BAIAP2: variants seen among roughly 807,000 people sequenced by gnomAD.
The protein encoded by BAIAP2 is BAR/IMD domain-containing adapter protein 2.
A neutral mutation model predicts 63.0 loss-of-function variants in BAIAP2; 18 were observed. That is an observed-to-expected ratio of 0.29 (90% CI 0.20 to 0.42). The LOEUF (loss-of-function observed/expected upper bound fraction) is 0.42. BAIAP2 is among the 10% of genes least tolerant of loss of function. The pLI is 1.00. For synonymous variants in BAIAP2, 386 were observed against 307.6 expected (o/e 1.25, Z -2.67); for missense variants, 610 against 734.3 (o/e 0.83, Z 1.96).
intron 4 of BAIAP2, 148 bp from the exon 5 acceptor site, chr17:81,085,506 C>T (rs376529388): frequency 2.8e-6 from 2 of 718,230 alleles, no homozygotes; most frequent in African/African-American, 1.7e-5. Flanking sequence ...CATGCGGGGC[C>T]ACAGCTCATC....
chr17:81,069,646 C>CG (rs2052201179), intron 3 of BAIAP2, among the ~76,000 whole-genome samples: 1 of 152,082 alleles, frequency 6.6e-6, no homozygotes, highest in Non-Finnish European at 1.5e-5. Flanking sequence ...AAAAGCCTGG[C>CG]GGGGGGCGTG....
At chr17:81,057,813 G>C (rs1320756733) in intron 2 of BAIAP2, 68 bp from the exon 3 acceptor site, 1 of 1,557,168 alleles carries the variant, frequency 6.4e-7, no homozygotes, top group Non-Finnish European at 8.7e-7. Context: ...CAAGACTGCC[G>C]TGTTTTTGCT....
Position 81,115,905 on chromosome 17 carries a change from C to G in BAIAP2, c.*66C>G. On this transcript the variant is annotated 3_prime_UTR_variant, in exon 14 of 14. Transcript: ENST00000428708. ...GCCCTTCCCATGTAGCCTGTTCTGT[C>G]ATCATCTGTGCGTTCCTGTGTAGAG... 1 of 1,601,576 alleles carries G rather than the reference C, an allele frequency of 6.2e-7. No individual in the cohort carries two copies. The highest frequency in any genetic ancestry group is 8.5e-7 in the Non-Finnish European group (1 of 1,174,510).
intron 6 of BAIAP2, among the ~76,000 whole-genome samples, chr17:81,088,812 C>T (rs188177711): frequency 6.9e-4 from 105 of 152,374 alleles, no homozygotes; most frequent in African/African-American, 1.0e-3. Flanking sequence ...CGGTACTGCC[C>T]TGTGGCTGAG....
chr17:81,097,390 A>G (rs1241605147), intron 6 of BAIAP2, among the ~76,000 whole-genome samples: 3 of 152,184 alleles, frequency 2.0e-5, no homozygotes, highest in African/African-American at 7.2e-5. Flanking sequence ...ACCGACCCAC[A>G]CCCTGCCAGG....
intron 10 of BAIAP2, 72 bp downstream of exon 10, chr17:81,104,787 G>A: frequency 7.0e-7 from 1 of 1,436,306 alleles, no homozygotes; most frequent in Non-Finnish European, 9.5e-7. Context: ...CGACACTCAA[G>A]TGCACTGAGA....
At chr17:81,106,052 G>A (rs1054595707) in intron 10 of BAIAP2, 26 bp from the exon 11 acceptor site, 9 of 1,560,034 alleles carry the variant, frequency 5.8e-6, no homozygotes, top group Non-Finnish European at 7.8e-6. Context: ...GCTGAGCGTG[G>A]CTCTTACCTG....
intron 3 of BAIAP2, among the ~76,000 whole-genome samples, chr17:81,063,026 G>GCAT (rs1568099137): frequency 6.6e-6 from 1 of 150,700 alleles, no homozygotes; most frequent in African/African-American, 2.4e-5. Flanking sequence ...CTTGTGAACA[G>GCAT]CATCACTCCA....
chr17:81,071,675 C>G (rs568337748), intron 3 of BAIAP2, among the ~76,000 whole-genome samples: 132 of 152,390 alleles, frequency 8.7e-4, no homozygotes, highest in African/African-American at 3.0e-3. Flanking sequence ...GCCCGTCCGT[C>G]CCTGAGCCTC....
At chr17:81,098,957 TCCCCGTCCCCCCATCC>T (rs1189570645) in intron 6 of BAIAP2, among the ~76,000 whole-genome samples, 3 of 144,190 alleles carry the variant, frequency 2.1e-5, no homozygotes, top group Admixed American at 6.8e-5. Flanking sequence ...GGACACATTC[TCCCCGTCCCCCCATCC>T]CCCCATCCCC....
chr17:81,041,430 C>T lies in BAIAP2; in HGVS notation c.54+6122C>T, dbSNP rs117243169. On this transcript the variant is annotated intron_variant, in intron 1 of 13. Transcript: ENST00000428708. The stretch of plus-strand genomic sequence containing the variant: ...GTCCTGGGCCATGAGGTGCTGGGGA[C>T]CCCTTGTTGGGGGAAAGGCTGTCAG... Among the ~76,000 whole-genome samples the T allele has an allele frequency of 2.0e-4, 30 of 152,250 alleles. No individual in the cohort carries two copies. In the East Asian group the frequency reaches 5.6e-3, roughly 28 times the overall value.
intron 6 of BAIAP2, among the ~76,000 whole-genome samples, chr17:81,099,123 G>A (rs1394451701): frequency 3.3e-5 from 5 of 152,248 alleles, no homozygotes; most frequent in African/African-American, 7.2e-5. Context: ...TGTTCCGAAA[G>A]GCGTGACCTG....
At chr17:81,043,850 C>T (rs756167498) in intron 1 of BAIAP2, among the ~76,000 whole-genome samples, 1 of 152,222 alleles carries the variant, frequency 6.6e-6, no homozygotes, top group African/African-American at 2.4e-5. Context: ...TCCTTCCGTT[C>T]GGGAGTTCGA....
At chr17:81,066,981 G>A (rs1267595086) in intron 3 of BAIAP2, among the ~76,000 whole-genome samples, 1 of 152,242 alleles carries the variant, frequency 6.6e-6, no homozygotes, top group Non-Finnish European at 1.5e-5. Context: ...CCATTTGAAG[G>A]CCTTAATTAG....
intron 3 of BAIAP2, among the ~76,000 whole-genome samples, chr17:81,070,399 A>C (rs893054043): frequency 1.3e-5 from 2 of 152,152 alleles, no homozygotes; most frequent in African/African-American, 4.8e-5. Flanking sequence ...CTGCCGGGCA[A>C]CCTTGGTCAC....
intron 1 of BAIAP2, among the ~76,000 whole-genome samples, chr17:81,050,647 C>A (rs980195019): frequency 6.6e-6 from 1 of 151,844 alleles, no homozygotes; most frequent in African/African-American, 2.4e-5. Flanking sequence ...CGCCCACCTC[C>A]GTGGTAGTGT....
chr17:81,062,920 GCC>G (rs1051266041), intron 3 of BAIAP2, among the ~76,000 whole-genome samples: 4 of 69,806 alleles, frequency 5.7e-5, no homozygotes, highest in Non-Finnish European at 1.2e-4. Context: ...CTTCCCCCCC[GCC>G]CCCCCGCCGC....
intron 3 of BAIAP2, among the ~76,000 whole-genome samples, chr17:81,067,268 C>T (rs1482548454): frequency 6.6e-6 from 1 of 152,248 alleles, no homozygotes; most frequent in Non-Finnish European, 1.5e-5. Context: ...AGGACGCTGC[C>T]CTGGGCCCTG....
chr17:81,106,250 C>T, intron 11 of BAIAP2, 104 bp downstream of exon 11: 1 of 1,231,258 alleles, frequency 8.1e-7, no homozygotes. Flanking sequence ...CTTCCGGCTC[C>T]TTGTCTGCTA....
Sources: allele counts gnomAD v4.1 joint callset (sites outside exome capture counted in the v4.1 genomes callset), GRCh38; gene constraint gnomAD v4.1.1; transcripts MANE v1.5; gene names NCBI Gene and HGNC (gene_info 2026-07-23, HGNC 2026-07-21).